Variants in GCC2 observed in about 807,000 individuals in gnomAD.
The protein encoded by GCC2 is GRIP and coiled-coil domain-containing protein 2.
GCC2 carries 120 observed loss-of-function variants against 210.6 expected under a neutral mutation model. The ratio of observed to expected loss-of-function variants is 0.57; its 90% CI spans 0.49 to 0.66. The LOEUF is 0.66. GCC2 is among the 30% of genes least tolerant of loss of function. The probability of loss-of-function intolerance (pLI) is 0.00; values close to 1 mark genes in which losing one functional copy is unlikely to be tolerated. For synonymous variants in GCC2, 703 were observed against 652.7 expected (o/e 1.08, Z -1.17); for missense variants, 1,868 against 1,871.9 (o/e 1.00, Z 0.04).
chr2:108,506,166 C>G (rs1164328806), intron 22 of GCC2, among the ~76,000 whole-genome samples: 1 of 152,088 alleles, frequency 6.6e-6, no homozygotes, highest in Non-Finnish European at 1.5e-5. Flanking sequence ...AATTAAAAAC[C>G]TGTACACAAT....
rs747941337 is a variant in GCC2 at position 108,484,296 on chromosome 2, C to G, written c.3598C>G (p.Leu1200Val). 14 of 1,508,460 alleles carry G rather than the reference C, an allele frequency of 9.3e-6. No homozygotes were observed. The South Asian group carries it at 1.7e-4, about 19-fold the overall frequency. The allele number at this position is 1,508,460 out of a possible 1,614,324, so 93.4% of individuals were successfully genotyped here. ...AATTCAAAAACAGAAACAAGAAACC[C>G]TACAAGAAGAAATAAGTGAGTTAAA... is the stretch of plus-strand genomic sequence containing the variant. Reference protein sequence around the residue: ...IKIQKQKQETLQEEITSLQSS... With the variant: ...IKIQKQKQETVQEEITSLQSS... The change falls in exon 13 of 23, where the codon CTA becomes GTA. Residue 1200 changes from leucine (L) to valine (V), a missense_variant. Physicochemically the swap from Leu to Val is conservative, Grantham distance 32. Around this residue, in one of 3 missense-constraint regions of GCC2, gnomAD observed 1,847 missense variants for 1,765.2 expected, o/e 1.05. Transcript: ENST00000309863.
In GCC2 at chr2:108,497,070, A is replaced by G. The variant is rs760021247; in HGVS notation, c.4743A>G (p.Glu1581=). 3 of 1,612,060 alleles carry G rather than the reference A, an allele frequency of 1.9e-6. No individual in the cohort carries two copies. In the Admixed American group the frequency reaches 5.0e-5, roughly 27 times the overall value. The change falls in exon 21 of 23, where the codon GAA becomes GAG. Residue 1581 remains glutamate (E), a synonymous_variant. Transcript: ENST00000309863. ...SADHLNGLLR[E]TEATNAILME... is the part of the protein sequence containing the mutation. ...ATCACTTAAACGGCCTGCTTCGGGA[A>G]ACAGAAGCAACCAATGCAATTCTTA...
At chr2:108,460,868 G>A (rs780645242) in intron 4 of GCC2, among the ~76,000 whole-genome samples, 2 of 152,172 alleles carry the variant, frequency 1.3e-5, no homozygotes, top group Non-Finnish European at 2.9e-5. Flanking sequence ...GACTTCTCAT[G>A]AGATGTGGTT....
chr2:108,472,699 T>G, intron 6 of GCC2, 128 bp from the exon 7 acceptor site: 1 of 629,158 alleles, frequency 1.6e-6, no homozygotes, highest in Non-Finnish European at 2.7e-6. Context: ...ACCAAATTGG[T>G]TTCTGTAGGA....
In GCC2 at chr2:108,469,726, A is replaced by G. The variant is rs1374790581; in HGVS notation, c.397A>G (p.Asn133Asp). 6.2e-7 allele frequency: 1 copy of G among 1,612,994 alleles called. No individual in the cohort carries two copies. The highest frequency in any genetic ancestry group is 1.7e-5 in the Admixed American group (1 of 59,944). The change falls in exon 6 of 23, where the codon AAT becomes GAT. Residue 133 changes from asparagine to aspartate, a missense_variant. Transcript: ENST00000309863. Reference protein sequence around the residue: ...SHINYVKEIENLKNELMAVRS... With the variant: ...SHINYVKEIEDLKNELMAVRS... ...TATAAACTATGTGAAAGAAATTGAA[A>G]ATTTGAAAAATGAGTTGATGGCAGT...
chr2:108,458,465 C>T (rs1468661315), intron 4 of GCC2, among the ~76,000 whole-genome samples: 2 of 150,208 alleles, frequency 1.3e-5, no homozygotes, highest in Admixed American at 1.3e-4. Flanking sequence ...AAAATTGCCA[C>T]CTCTTCAGTA....
At chr2:108,505,937 A>G (rs1325292057) in intron 22 of GCC2, among the ~76,000 whole-genome samples, 2 of 152,144 alleles carry the variant, frequency 1.3e-5, no homozygotes, top group Non-Finnish European at 2.9e-5. Context: ...TGAAAATGCT[A>G]CTCTGCCTAA....
Position 108,503,309 on chromosome 2 carries a change from A to G in GCC2, c.4984+3555A>G, listed in dbSNP as rs55905310. ...TTCTCAACAGCATTGGTGTAATACT[A>G]TCTCATGTACTAAAAGAAATAACTG... On this transcript the variant is annotated intron_variant, in intron 22 of 22. Coordinates refer to ENST00000309863, the MANE Select transcript of GCC2 (RefSeq NM_181453.4). Among the ~76,000 whole-genome samples, 803 of 152,316 alleles carry G rather than the reference A, an allele frequency of 5.3e-3. 3 individuals carry two copies. The highest frequency in any genetic ancestry group is 8.6e-3 in the Non-Finnish European group (584 of 68,028).
Position 108,476,054 on chromosome 2 carries a change from C to CCTTTTTTTTTTTTTTTTTTTTTT in GCC2, c.3060+204_3060+205insCTTTTTTTTTTTTTTTTTTTTTT, listed in dbSNP as rs1558744710. Among the ~76,000 whole-genome samples, 5 of 96,328 alleles carry CCTTTTTTTTTTTTTTTTTTTTTT rather than the reference C, an allele frequency of 5.2e-5. 2 individuals are homozygous for CCTTTTTTTTTTTTTTTTTTTTTT. Among genetic ancestry groups the CCTTTTTTTTTTTTTTTTTTTTTT allele is most frequent in the Non-Finnish European group, 6.4e-5 (3 of 46,868 alleles). The allele number at this position is 96,328 out of a possible 152,430, so 63.2% of individuals were successfully genotyped here. A position where few individuals can be genotyped will look rare whatever the true frequency, so the allele number is the denominator to read the frequency against. On this transcript the variant is annotated intron_variant, in intron 9 of 22. Transcript: ENST00000309863. ...TGGTTAAGCTTTAAATAGTGGCTTG[C>CCTTTTTTTTTTTTTTTTTTTTTT]TTTTTTTTTTTTTTTTTTTTTTTTT...
rs745328371 is a variant in GCC2, at chr2:108,489,819, CTG to C, written c.4053-15_4053-14del. ...TCACCTTTTTCAAAAAATTTTAAAA[CTG>C]TGTATTTCTGTTTTAGGGAACATCT... On this transcript the variant is annotated splice_polypyrimidine_tract_variant and intron_variant, in intron 17 of 22. Transcript: ENST00000309863. The C allele has an allele frequency of 9.0e-6, 14 of 1,551,658 alleles. No homozygotes were observed. Among genetic ancestry groups the C allele is most frequent in the South Asian group, 3.6e-5 (3 of 82,646 alleles).
At chr2:108,449,549 T>C in intron 1 of GCC2, 84 bp from the exon 2 acceptor site, 5 of 1,405,596 alleles carry the variant, frequency 3.6e-6, no homozygotes, top group South Asian at 3.5e-5. Flanking sequence ...CCATAGAAGG[T>C]TTTTCCCTGT....
Position 108,471,447 on chromosome 2 carries a change from G to A in GCC2, c.2118G>A (p.Arg706=). ...KLSSEKKQLS[R]DLEVFLSQKE... Reference sequence around the variant, plus strand: ...GTTCAGAAAAAAAACAGTTGAGTAGGGATTTGGAGGTTTTTTTGTCTCAAA... The same window carrying A: ...GTTCAGAAAAAAAACAGTTGAGTAGAGATTTGGAGGTTTTTTTGTCTCAAA... The change falls in exon 6 of 23, where the codon AGG becomes AGA. Residue 706 remains arginine, a synonymous_variant. Transcript: ENST00000309863. 5 of 1,609,672 alleles carry A rather than the reference G, an allele frequency of 3.1e-6. No homozygotes were observed. The highest frequency in any genetic ancestry group is 2.7e-5 in the African/African-American group (2 of 74,672).
rs1681867123 is a variant in GCC2, at chr2:108,481,813, G to C, written c.3177G>C (p.Leu1059Phe). The change falls in exon 10 of 23, where the codon TTG becomes TTC. Residue 1059 changes from leucine to phenylalanine, a missense_variant. By Grantham distance (22) the Leu-to-Phe change is conservative. Around this residue, in one of 3 missense-constraint regions of GCC2, gnomAD observed 1,847 missense variants for 1,765.2 expected, o/e 1.05. Coordinates refer to ENST00000309863, the MANE Select transcript of GCC2 (RefSeq NM_181453.4). The part of the protein sequence containing the change: ...DLTRQLRNST[L>F]QCETINSDNE... ...CAAGACAATTAAGAAATTCGACTTTGCAGGTAATTTTTTAATAAATCCAAA... is the reference window on the plus strand; with the variant it reads ...CAAGACAATTAAGAAATTCGACTTTCCAGGTAATTTTTTAATAAATCCAAA... 5 of 1,553,944 alleles carry C rather than the reference G, an allele frequency of 3.2e-6. No homozygotes were observed. The highest frequency in any genetic ancestry group is 2.2e-5 in the Admixed American group (1 of 46,454).
chr2:108,479,980 CAAAAA>C (rs200934785), intron 9 of GCC2, among the ~76,000 whole-genome samples: 3 of 114,536 alleles, frequency 2.6e-5, no homozygotes, highest in African/African-American at 7.3e-5. Flanking sequence ...GACTCCATCT[CAAAAA>C]AAAAAAAAAA....
intron 4 of GCC2, among the ~76,000 whole-genome samples, chr2:108,457,570 T>C (rs1473608391): frequency 6.6e-6 from 1 of 152,188 alleles, no homozygotes; most frequent in African/African-American, 2.4e-5. Context: ...TGTACATTAG[T>C]TTGGATAGTA....
intron 4 of GCC2, among the ~76,000 whole-genome samples, chr2:108,464,014 T>C (rs1362892362): frequency 6.6e-6 from 1 of 151,786 alleles, no homozygotes; most frequent in Non-Finnish European, 1.5e-5. Context: ...TCTCAGGTAC[T>C]GGTAGGGGCT....
chr2:108,471,327 A>G lies in GCC2; in HGVS notation c.1998A>G (p.Leu666=). The change falls in exon 6 of 23, where the codon CTA becomes CTG. Residue 666 remains leucine, a synonymous_variant. Coordinates refer to ENST00000309863, the MANE Select transcript of GCC2 (RefSeq NM_181453.4). ...AAAAGGATCAAAATGACCAAAAACTAGAAAAACTTATGGTTCAAATGAAAG... is the reference window on the plus strand; with the variant it reads ...AAAAGGATCAAAATGACCAAAAACTGGAAAAACTTATGGTTCAAATGAAAG... ...LKEKDQNDQK[L]EKLMVQMKVL... The G allele has an allele frequency of 1.2e-6, 2 of 1,611,968 alleles. No individual in the cohort carries two copies. The highest frequency in any genetic ancestry group is 2.2e-5 in the South Asian group (2 of 90,530).
chr2:108,467,569 T>C (rs1394557557), intron 4 of GCC2, among the ~76,000 whole-genome samples: 2 of 152,192 alleles, frequency 1.3e-5, no homozygotes, highest in African/African-American at 4.8e-5. Flanking sequence ...AGTGTTGGGA[T>C]TGCAGGCATG....
In GCC2 at chr2:108,469,121, A is replaced by C; in HGVS notation, c.321+37A>C. ...TTTTAGTGTTCTTTTCTTTTTTATT[A>C]ACATATAGTGTAGTCATTAATTTTA... On this transcript the variant is annotated intron_variant, in intron 5 of 22. Coordinates refer to ENST00000309863, the MANE Select transcript of GCC2 (RefSeq NM_181453.4). 2.5e-6 allele frequency: 3 copies of C among 1,214,008 alleles called. No homozygotes were observed. In the South Asian group the frequency reaches 3.6e-5, roughly 15 times the overall value. The allele number at this position is 1,214,008 out of a possible 1,614,324, so 75.2% of individuals were successfully genotyped here. A position where few individuals can be genotyped will look rare whatever the true frequency, so the allele number is the denominator to read the frequency against.
Sources: allele counts gnomAD v4.1 joint callset (sites outside exome capture counted in the v4.1 genomes callset), GRCh38; gene constraint gnomAD v4.1.1; regional missense constraint gnomAD v4.1.1; transcripts MANE v1.5; gene names NCBI Gene and HGNC (gene_info 2026-07-23, HGNC 2026-07-21).